Variants in GALNTL6 observed in about 807,000 individuals in gnomAD.
The protein encoded by GALNTL6 is polypeptide N-acetylgalactosaminyltransferase like 6.
A neutral mutation model predicts 73.7 loss-of-function variants in GALNTL6; 46 were observed. The ratio of observed to expected loss-of-function variants is 0.62; its 90% CI spans 0.49 to 0.80. The LOEUF is 0.80. Among genes scored for constraint, GALNTL6 ranks in the 30% least tolerant of loss-of-function variants. The pLI is 0.00. For missense variants in GALNTL6, 604 were observed against 755.0 expected (o/e 0.80, Z 2.34); for synonymous variants, 259 against 263.7 (o/e 0.98, Z 0.17).
At chr4:172,825,889 T>G (rs536465632) in intron 7 of GALNTL6, among the ~76,000 whole-genome samples, 3 of 152,258 alleles carry the variant, frequency 2.0e-5, no homozygotes, top group African/African-American at 7.2e-5. Context: ...TAATGAAGAA[T>G]ACAGCCTAGC....
At chr4:172,702,968 T>C (rs892427602) in intron 5 of GALNTL6, among the ~76,000 whole-genome samples, 4 of 151,952 alleles carry the variant, frequency 2.6e-5, no homozygotes, top group African/African-American at 7.2e-5. Context: ...TTTTTATGTA[T>C]AGTTTTTTTG....
chr4:172,897,669 A>G (rs1183172197), intron 8 of GALNTL6, among the ~76,000 whole-genome samples: 2 of 152,190 alleles, frequency 1.3e-5, no homozygotes, highest in Non-Finnish European at 2.9e-5. Context: ...GTTGGTCCAC[A>G]CTATCAAAAC....
chr4:171,822,971 A>T (rs1047585084), intron 2 of GALNTL6, among the ~76,000 whole-genome samples: 5 of 152,120 alleles, frequency 3.3e-5, no homozygotes, highest in African/African-American at 1.2e-4. Context: ...ATTCATTGAC[A>T]GGTTCTTCTA....
chr4:171,940,202 G>A (rs1190220514), intron 2 of GALNTL6, among the ~76,000 whole-genome samples: 1 of 151,926 alleles, frequency 6.6e-6, no homozygotes, highest in East Asian at 1.9e-4. Context: ...AAAAAAACTG[G>A]AGAAAACATC....
At chr4:171,989,119 C>T (rs1740237483) in intron 2 of GALNTL6, among the ~76,000 whole-genome samples, 1 of 152,050 alleles carries the variant, frequency 6.6e-6, no homozygotes, top group South Asian at 2.1e-4. Context: ...CCGTCAATAG[C>T]ACAACAGTTA....
At chr4:172,127,477 C>A (rs997906669) in intron 2 of GALNTL6, among the ~76,000 whole-genome samples, 1 of 152,212 alleles carries the variant, frequency 6.6e-6, no homozygotes, top group African/African-American at 2.4e-5. Flanking sequence ...CCACTTGGGA[C>A]TCAGAGGTTA....
At chr4:172,772,731 CA>C (rs34223340) in intron 5 of GALNTL6, among the ~76,000 whole-genome samples, 78,766 of 151,766 alleles carry the variant, frequency 0.52, 21,282 homozygotes, top group East Asian at 0.78. Context: ...GTAGTGGCCC[CA>C]AAGATATTTA....
chr4:172,669,440 A>G (rs1485410732), intron 5 of GALNTL6, among the ~76,000 whole-genome samples: 2 of 152,218 alleles, frequency 1.3e-5, no homozygotes, highest in Non-Finnish European at 1.5e-5. Flanking sequence ...TGGCCCTCCA[A>G]TGACCCCAAC....
chr4:172,673,329 C>A (rs577584386), intron 5 of GALNTL6, among the ~76,000 whole-genome samples: 6 of 152,154 alleles, frequency 3.9e-5, no homozygotes, highest in Admixed American at 3.9e-4. Flanking sequence ...GTGCTGTGGT[C>A]CAAGAGATTG....
chr4:172,494,654 G>GC (rs1734010779), intron 5 of GALNTL6, among the ~76,000 whole-genome samples: 1 of 152,184 alleles, frequency 6.6e-6, no homozygotes, highest in Non-Finnish European at 1.5e-5. Flanking sequence ...GTGGCCAAAA[G>GC]CCCAAGAGCT....
chr4:172,849,470 G>T (rs1034623692), intron 7 of GALNTL6, among the ~76,000 whole-genome samples: 1 of 152,094 alleles, frequency 6.6e-6, no homozygotes, highest in African/African-American at 2.4e-5. Context: ...CTTAGAATAG[G>T]CTCTCAAAAA....
chr4:172,026,810 CTA>C (rs1221256020), intron 2 of GALNTL6, among the ~76,000 whole-genome samples: 2 of 152,058 alleles, frequency 1.3e-5, no homozygotes, highest in African/African-American at 4.8e-5. Context: ...TTACTGTTAC[CTA>C]TATAAAACAT....
intron 2 of GALNTL6, among the ~76,000 whole-genome samples, chr4:172,153,376 A>C (rs1490522448): frequency 6.6e-6 from 1 of 152,216 alleles, no homozygotes; most frequent in African/African-American, 2.4e-5. Context: ...AGTCGATCAT[A>C]TTCCTAAACC....
chr4:171,952,005 G>A (rs1161819021), intron 2 of GALNTL6, among the ~76,000 whole-genome samples: 1 of 151,802 alleles, frequency 6.6e-6, no homozygotes, highest in Non-Finnish European at 1.5e-5. Context: ...TATAAAGTCA[G>A]CAATTAATGA....
intron 2 of GALNTL6, among the ~76,000 whole-genome samples, chr4:171,940,027 C>T (rs1051055469): frequency 3.9e-5 from 6 of 151,938 alleles, no homozygotes; most frequent in African/African-American, 7.3e-5. Flanking sequence ...ACTCACTGTA[C>T]GGTCTTCGAC....
At chr4:172,850,532 G>A (rs995143412) in intron 7 of GALNTL6, among the ~76,000 whole-genome samples, 1 of 152,008 alleles carries the variant, frequency 6.6e-6, no homozygotes, top group Non-Finnish European at 1.5e-5. Context: ...TAAAATATAC[G>A]GGAATTTCTC....
intron 5 of GALNTL6, among the ~76,000 whole-genome samples, chr4:172,732,528 C>A (rs753667087): frequency 6.6e-6 from 1 of 152,112 alleles, no homozygotes; most frequent in African/African-American, 2.4e-5. Context: ...TCACATTTAG[C>A]GTTATTATTG....
intron 7 of GALNTL6, among the ~76,000 whole-genome samples, chr4:172,825,471 G>A (rs531302406): frequency 1.4e-4 from 22 of 152,202 alleles, no homozygotes; most frequent in African/African-American, 4.6e-4. Context: ...GCATGTTAGC[G>A]TGTTTTTCTA....
chr4:172,630,346 T>C (rs920997371), intron 5 of GALNTL6, among the ~76,000 whole-genome samples: 1 of 152,134 alleles, frequency 6.6e-6, no homozygotes, highest in South Asian at 2.1e-4. Context: ...AAAACCAAGG[T>C]CATGGTGTGG....
Sources: allele counts gnomAD v4.1 joint callset (sites outside exome capture counted in the v4.1 genomes callset), GRCh38; gene constraint gnomAD v4.1.1; transcripts MANE v1.5; gene names NCBI Gene and HGNC (gene_info 2026-07-23, HGNC 2026-07-21).